Variants in FBXW5 observed in about 807,000 individuals in gnomAD.
The protein encoded by FBXW5 is F-box/WD repeat-containing protein 5.
A neutral mutation model predicts 50.9 loss-of-function variants in FBXW5; 74 were observed. That is an observed-to-expected ratio of 1.45 (90% CI 1.20 to 1.76). FBXW5 has a LOEUF of 1.76. Among genes scored for constraint, FBXW5 ranks in the 40% most tolerant of loss-of-function variants. The probability of loss-of-function intolerance (pLI) is 0.00; values close to 1 mark genes in which losing one functional copy is unlikely to be tolerated. For missense variants in FBXW5, 1,073 were observed against 818.8 expected (o/e 1.31, Z -3.79); for synonymous variants, 523 against 362.2 (o/e 1.44, Z -5.04).
intron 6 of FBXW5, 86 bp downstream of exon 6, chr9:136,941,960 T>C: frequency 6.8e-7 from 1 of 1,473,374 alleles, no homozygotes; most frequent in Non-Finnish European, 9.0e-7. Context: ...CCTGTGGACT[T>C]GCTTGCTGTC....
At position 136,940,863 on chromosome 9, in the gene FBXW5, A is replaced by G. The variant is rs535541289; in HGVS notation, c.*65T>C. ...AGCATCTCCACCTCTCCCGCTCGGG[A>G]AAAAGCCACAGAGCCTGGCGATGTC... On this transcript the variant is annotated 3_prime_UTR_variant, in exon 9 of 9. Transcript: ENST00000325285. 2 of 1,525,252 alleles carry G rather than the reference A, an allele frequency of 1.3e-6. No individual in the cohort carries two copies. Among genetic ancestry groups the G allele is most frequent in the South Asian group, 2.4e-5 (2 of 83,432 alleles). 94.5% of individuals were successfully genotyped at this position (1,525,252 alleles called of 1,614,324 possible). A position where few individuals can be genotyped will look rare whatever the true frequency, so the allele number is the denominator to read the frequency against.
chr9:136,943,544 TC>T, intron 2 of FBXW5, 38 bp from the exon 3 acceptor site: 1 of 1,579,612 alleles, frequency 6.3e-7, no homozygotes, highest in Non-Finnish European at 8.6e-7. Context: ...GCCCGGGCCT[TC>T]CTCGCAGTCA....
rs1454872038 is a variant in FBXW5 at position 136,942,607 on chromosome 9, G to A, written c.615C>T (p.Asn205=). The change falls in exon 5 of 9, where the codon AAC becomes AAT. Residue 205 remains asparagine, a synonymous_variant. Coordinates refer to ENST00000325285, the MANE Select transcript of FBXW5 (RefSeq NM_018998.4). ...WLTETSLISG[N]LHRIGDITSC... ...AGGTGATATCTCCGATGCGGTGCAG[G>A]TTCCCCGAGATGAGGCTGGTCTCGG... The A allele has an allele frequency of 1.2e-6, 2 of 1,610,906 alleles. No individual in the cohort carries two copies. The highest frequency in any genetic ancestry group is 1.7e-4 in the Middle Eastern group (1 of 6,058).
chr9:136,942,035 C>T lies in FBXW5; in HGVS notation c.1096+11G>A, dbSNP rs895470021. ...AGGACCGAGGCGGGCAGCATGGCGG[C>T]AGGGGTGTACCGATCTGGTGTGGGG... On this transcript the variant is annotated intron_variant, in intron 6 of 8. Coordinates refer to ENST00000325285, the MANE Select transcript of FBXW5 (RefSeq NM_018998.4). 1 of 1,592,534 alleles carries T rather than the reference C, an allele frequency of 6.3e-7. No homozygotes were observed. Among genetic ancestry groups the T allele is most frequent in the South Asian group, 1.1e-5 (1 of 89,664 alleles).
At chr9:136,944,194 G>T (rs1850940018) in intron 1 of FBXW5, 88 bp from the exon 2 acceptor site, 6 of 1,361,014 alleles carry the variant, frequency 4.4e-6, no homozygotes, top group Non-Finnish European at 5.8e-6. Context: ...CAACCGTCCC[G>T]CCGGGAGTTC....
chr9:136,942,523 C>A (rs761519814), intron 5 of FBXW5, 24 bp downstream of exon 5: 1 of 1,602,876 alleles, frequency 6.2e-7, no homozygotes, highest in African/African-American at 1.3e-5. Flanking sequence ...AGGAGGGCAG[C>A]CCCGCCCCTA....
chr9:136,944,531 G>T lies in FBXW5; in HGVS notation c.-24+63C>A, dbSNP rs943110272. On this transcript the variant is annotated intron_variant, in intron 1 of 8. Coordinates refer to ENST00000325285, the MANE Select transcript of FBXW5 (RefSeq NM_018998.4). ...GCGCACGGGCGGCCTCGGGGCTCCT[G>T]CACTCGCCCAAGGCGGGCGGGGACG... 5.1e-5 allele frequency: 50 copies of T among 984,164 alleles called. 1 individual carries two copies. Among genetic ancestry groups the T allele is most frequent in the Middle Eastern group, 1.0e-3 (2 of 1,914 alleles). 61.0% of individuals were successfully genotyped at this position (984,164 alleles called of 1,614,324 possible).
At chr9:136,941,766 C>T in intron 6 of FBXW5, 82 bp from the exon 7 acceptor site, 1 of 1,430,132 alleles carries the variant, frequency 7.0e-7, no homozygotes, top group Non-Finnish European at 9.4e-7. Context: ...TCAGTGGTGT[C>T]TCTGGGGCTG....
At chr9:136,944,248 C>T in intron 1 of FBXW5, 142 bp from the exon 2 acceptor site, 1 of 948,114 alleles carries the variant, frequency 1.1e-6, no homozygotes, top group Non-Finnish European at 1.5e-6. Context: ...TACCGCCGCC[C>T]AACCAAGGAC....
Position 136,942,763 on chromosome 9 carries a change from G to T in FBXW5, c.526+6C>A. The T allele has an allele frequency of 6.2e-7, 1 of 1,612,722 alleles. No homozygotes were observed. On this transcript the variant is annotated splice_donor_region_variant and intron_variant, in intron 4 of 8. Coordinates refer to ENST00000325285, the MANE Select transcript of FBXW5 (RefSeq NM_018998.4). ...GGGGCAGGGTCAACCCGCCGCCCGT[G>T]CTCACCTAGGCTGATGACAGCAATC...
chr9:136,943,026 C>G, intron 3 of FBXW5, 83 bp from the exon 4 acceptor site: 2 of 1,595,508 alleles, frequency 1.3e-6, no homozygotes, highest in South Asian at 2.2e-5. Flanking sequence ...GAGGCCCCAG[C>G]TCTGCCAGCC....
At chr9:136,943,063 G>A (rs1850859889) in intron 3 of FBXW5, 120 bp from the exon 4 acceptor site, 3 of 1,491,544 alleles carry the variant, frequency 2.0e-6, no homozygotes, top group African/African-American at 1.4e-5. Flanking sequence ...AGGGAGCAGG[G>A]ACCCCTTCCA....
At chr9:136,943,018 G>C in intron 3 of FBXW5, 75 bp from the exon 4 acceptor site, 1 of 1,601,076 alleles carries the variant, frequency 6.2e-7, no homozygotes, top group South Asian at 1.1e-5. Context: ...ACAGCCATGA[G>C]GCCCCAGCTC....
rs1850830319 is a variant in FBXW5, at chr9:136,942,633, T to C, written c.589A>G (p.Thr197Ala). ...TTCCCCGAGATGAGGCTGGTCTCGG[T>C]GAGCCAACAGCCAAACACGTCATAG... ...KPYDVFGCWL[T>A]ETSLISGNLH... is the part of the protein sequence containing the mutation. Residue 197 changes from threonine to alanine, a missense_variant, in exon 5 of 9, where the codon ACC becomes GCC. Coordinates refer to ENST00000325285, the MANE Select transcript of FBXW5 (RefSeq NM_018998.4). 1.2e-6 allele frequency: 2 copies of C among 1,609,356 alleles called. No homozygotes were observed. Among genetic ancestry groups the C allele is most frequent in the Non-Finnish European group, 1.7e-6 (2 of 1,178,678 alleles).
Position 136,941,381 on chromosome 9 carries a change from TCTC to T in FBXW5, c.1324_1326del (p.Glu442del), listed in dbSNP as rs765513807. 2.0e-5 allele frequency: 32 copies of T among 1,611,454 alleles called. No homozygotes were observed. Among genetic ancestry groups the T allele is most frequent in the Middle Eastern group, 1.6e-4 (1 of 6,084 alleles). On this transcript the variant is annotated inframe_deletion, in exon 8 of 9. Coordinates refer to ENST00000325285, the MANE Select transcript of FBXW5 (RefSeq NM_018998.4). ...TTGAGGTCGAACACCAGCAGGTCAA[TCTC>T]CTCCGCGATTGGTGGCGGCTGCATG... is the stretch of plus-strand genomic sequence containing the variant.
Position 136,943,425 on chromosome 9 carries a change from G to A in FBXW5, c.275C>T (p.Thr92Ile). Residue 92 changes from threonine (T) to isoleucine (I), a missense_variant, in exon 3 of 9, where the codon ACA becomes ATA. Physicochemically the swap from Thr to Ile is moderately conservative, Grantham distance 89. Coordinates refer to ENST00000325285, the MANE Select transcript of FBXW5 (RefSeq NM_018998.4). Reference sequence around the variant, plus strand: ...GAAGCTGAGGTGCAGGACCTGGTCTGTGTGTTCCCGCAGCGTCTGCACCTC... The same window carrying A: ...GAAGCTGAGGTGCAGGACCTGGTCTATGTGTTCCCGCAGCGTCTGCACCTC... ...CVEVQTLREH[T>I]DQVLHLSFSH... The A allele has an allele frequency of 1.9e-6, 3 of 1,612,898 alleles. No individual in the cohort carries two copies. The highest frequency in any genetic ancestry group is 2.5e-6 in the Non-Finnish European group (3 of 1,179,968).
intron 1 of FBXW5, 70 bp downstream of exon 1, chr9:136,944,524 G>A (rs2131363843): frequency 1.0e-6 from 1 of 984,342 alleles, no homozygotes; most frequent in Admixed American, 6.2e-5. Flanking sequence ...GCGGCCTCGG[G>A]GCTCCTGCAC....
At chr9:136,941,881 C>G in intron 6 of FBXW5, 165 bp downstream of exon 6, 1 of 1,435,766 alleles carries the variant, frequency 7.0e-7, no homozygotes. Flanking sequence ...CGTTTGTTTT[C>G]ACTGCTCATC....
intron 2 of FBXW5, 84 bp from the exon 3 acceptor site, chr9:136,943,590 G>C: frequency 6.6e-7 from 1 of 1,504,682 alleles, no homozygotes; most frequent in East Asian, 2.4e-5. Context: ...AGCAGTCCTG[G>C]CAGGCCCCGT....
Sources: allele counts gnomAD v4.1 joint callset, GRCh38; gene constraint gnomAD v4.1.1; transcripts MANE v1.5; gene names NCBI Gene and HGNC (gene_info 2026-07-23, HGNC 2026-07-21).